KLRD1: variants seen among roughly 807,000 people sequenced by gnomAD.
KLRD1 encodes the protein natural killer cells antigen CD94.
KLRD1 carries 21 observed loss-of-function variants against 22.6 expected under a neutral mutation model. That is an observed-to-expected ratio of 0.93 (90% confidence interval 0.66 to 1.34). KLRD1 has a LOEUF of 1.34. Among genes scored for constraint, KLRD1 ranks in the 40% most tolerant of loss-of-function variants. The pLI is 0.00. For synonymous variants in KLRD1, 59 were observed against 71.1 expected, an observed-to-expected ratio of 0.83 and a Z score of 0.85; for missense variants, 183 against 208.6, an observed-to-expected ratio of 0.88 and a Z score of 0.76.
intron 1 of KLRD1, among the ~76,000 whole-genome samples, chr12:10,259,701 C>G (rs1350272889): frequency 1.3e-5 from 2 of 152,338 alleles, no homozygotes; most frequent in South Asian, 4.1e-4. Context: ...CATGGTGGCT[C>G]AAGCCTGTAA....
chr12:10,246,032 A>G (rs944409697), intron 1 of KLRD1, among the ~76,000 whole-genome samples: 2 of 152,166 alleles, frequency 1.3e-5, no homozygotes, highest in African/African-American at 2.4e-5. Context: ...TTGAAATGTT[A>G]TGATATTTTA....
In KLRD1 at chr12:10,323,325, A is replaced by G. The variant is rs910128782; in HGVS notation, c.*8532A>G. 4 of 152,220 alleles carry G rather than the reference A, an allele frequency of 2.6e-5. No homozygotes were observed. The highest frequency in any genetic ancestry group is 9.7e-5 in the African/African-American group (4 of 41,448). 9.4% of individuals were successfully genotyped at this position (152,220 alleles called of 1,614,324 possible). On this transcript the variant is annotated 3_prime_UTR_variant, in exon 6 of 6. Transcript: ENST00000336164. ...TGTTACTCTGTATTCTTGACAATAC[A>G]TAGTATTATGAATTATTTTAGTCTA...
chr12:10,314,377 T>C (rs1483624073), intron 5 of KLRD1, among the ~76,000 whole-genome samples: 2 of 152,134 alleles, frequency 1.3e-5, no homozygotes, highest in East Asian at 3.8e-4. Context: ...GATCAGATAA[T>C]ACATCTTAAA....
chr12:10,294,641 T>A (rs1949806681), intron 1 of KLRD1, among the ~76,000 whole-genome samples: 1 of 152,156 alleles, frequency 6.6e-6, no homozygotes, highest in Non-Finnish European at 1.5e-5. Context: ...CCTCACATGA[T>A]CCACCTGCTT....
chr12:10,255,603 A>G (rs910499786), intron 1 of KLRD1, among the ~76,000 whole-genome samples: 1 of 152,074 alleles, frequency 6.6e-6, no homozygotes, highest in Admixed American at 6.5e-5. Flanking sequence ...TTGGTTATTT[A>G]AAAGTGTTGT....
At chr12:10,304,832 A>G (rs1949899383), upstream of KLRD1, among the ~76,000 whole-genome samples, 1 of 152,214 alleles carries the variant, frequency 6.6e-6, no homozygotes, top group Admixed American at 6.5e-5. Flanking sequence ...CACTATAGCT[A>G]GTAGGTTTGT....
intron 1 of KLRD1, 165 bp downstream of exon 1, chr12:10,308,249 C>T (rs1430628248): frequency 1.6e-6 from 1 of 628,950 alleles, no homozygotes; most frequent in African/African-American, 1.8e-5. Flanking sequence ...TTTCCTGATT[C>T]TTCATTGTAT....
At chr12:10,292,523 A>G (rs1395973307) in intron 1 of KLRD1, among the ~76,000 whole-genome samples, 2 of 152,172 alleles carry the variant, frequency 1.3e-5, no homozygotes, top group African/African-American at 4.8e-5. Context: ...ATTCTCAATG[A>G]GCCATAACAT....
intron 1 of KLRD1, among the ~76,000 whole-genome samples, chr12:10,280,065 A>G (rs747445798): frequency 2.6e-5 from 4 of 152,178 alleles, no homozygotes; most frequent in Non-Finnish European, 5.9e-5. Context: ...TTCCCATGAC[A>G]CAAGTTAGAA....
At chr12:10,307,823 T>C (rs1445510261), upstream of KLRD1, 6 of 431,256 alleles carry the variant, frequency 1.4e-5, no homozygotes, top group African/African-American at 2.0e-5. Flanking sequence ...ATTTCCTGTA[T>C]TGTGGTTCCT....
Position 10,314,842 on chromosome 12 carries a change from A to G in KLRD1, c.*49A>G. 1.3e-6 allele frequency: 2 copies of G among 1,520,388 alleles called. No individual in the cohort carries two copies. Among genetic ancestry groups the G allele is most frequent in the Non-Finnish European group, 1.8e-6 (2 of 1,118,004 alleles). 94.2% of individuals were successfully genotyped at this position (1,520,388 alleles called of 1,614,324 possible). A position where few individuals can be genotyped will look rare whatever the true frequency, so the allele number is the denominator to read the frequency against. On this transcript the variant is annotated 3_prime_UTR_variant, in exon 6 of 6. Coordinates refer to ENST00000336164, the MANE Select transcript of KLRD1 (RefSeq NM_002262.5). The stretch of plus-strand genomic sequence containing the variant: ...GGAGAGTAAAGACCCAACATTACTA[A>G]CAATGATACAGTTGCATGTTATATT...
At chr12:10,300,332 G>A (rs1264173293), upstream of KLRD1, among the ~76,000 whole-genome samples, 13 of 152,198 alleles carry the variant, frequency 8.5e-5, no homozygotes, top group Non-Finnish European at 1.6e-4. Context: ...AAGAATGGAT[G>A]TTGTGCTAGA....
chr12:10,260,753 A>G (rs1565451480), intron 1 of KLRD1, among the ~76,000 whole-genome samples: 1 of 152,174 alleles, frequency 6.6e-6, no homozygotes, highest in Non-Finnish European at 1.5e-5. Flanking sequence ...TTCCTGGCTA[A>G]TATGGTGAAA....
intron 1 of KLRD1, among the ~76,000 whole-genome samples, chr12:10,252,661 A>G (rs771622043): frequency 3.3e-5 from 5 of 152,224 alleles, no homozygotes; most frequent in African/African-American, 4.8e-5. Context: ...ATTACAGGGA[A>G]GACAGTAGAT....
chr12:10,240,414 T>C (rs1949229945), intron 1 of KLRD1, among the ~76,000 whole-genome samples: 1 of 151,898 alleles, frequency 6.6e-6, no homozygotes, highest in Admixed American at 6.5e-5. Context: ...TTGTTCAGCT[T>C]CATGCCATGA....
intron 1 of KLRD1, among the ~76,000 whole-genome samples, chr12:10,275,124 A>G (rs139878978): frequency 2.0e-5 from 3 of 152,174 alleles, no homozygotes; most frequent in East Asian, 1.9e-4. Context: ...TCCTGAACTC[A>G]GGTGATCTGC....
intron 4 of KLRD1, among the ~76,000 whole-genome samples, chr12:10,312,712 G>A (rs992719029): frequency 6.6e-6 from 1 of 151,302 alleles, no homozygotes; most frequent in African/African-American, 2.4e-5. Flanking sequence ...AAGTGCGGCC[G>A]GGCGCAGTGG....
intron 1 of KLRD1, among the ~76,000 whole-genome samples, chr12:10,257,139 CTT>C (rs55950006): frequency 1.9e-4 from 25 of 130,278 alleles, no homozygotes; most frequent in African/African-American, 6.6e-4. Flanking sequence ...CTTTTCTTTT[CTT>C]TTTTTTTTTT....
chr12:10,280,025 A>G (rs1396410737), intron 1 of KLRD1, among the ~76,000 whole-genome samples: 1 of 152,208 alleles, frequency 6.6e-6, no homozygotes, highest in African/African-American at 2.4e-5. Flanking sequence ...GTAGAATTTT[A>G]TTATTTTTCA....
Sources: gnomAD v4.1 joint callset for allele counts (sites outside exome capture counted in the v4.1 genomes callset) on GRCh38, gnomAD v4.1.1 for gene constraint, MANE v1.5 for transcripts, NCBI Gene and HGNC (gene_info 2026-07-23, HGNC 2026-07-21) for gene names.